The following DTWD2 variants were observed in gnomAD, a reference collection of about 807,000 sequenced individuals.
The protein encoded by DTWD2 is DTW motif tRNA-uridine aminocarboxypropyltransferase 2.
A neutral mutation model predicts 31.8 loss-of-function variants in DTWD2; 39 were observed. That is an observed-to-expected ratio of 1.22 (90% CI 0.95 to 1.60). The LOEUF (loss-of-function observed/expected upper bound fraction) is 1.60, where lower values mean the gene tolerates loss of function less well. Ranked by LOEUF, DTWD2 falls within the 40% of genes most tolerant of loss-of-function variation. The pLI, the probability that DTWD2 is intolerant of heterozygous loss-of-function variation, is 0.00. For missense variants in DTWD2, 515 were observed against 381.5 expected, an observed-to-expected ratio of 1.35 and a Z score of -2.92; for synonymous variants, 180 against 142.8, an observed-to-expected ratio of 1.26 and a Z score of -1.86.
chr5:118,910,690 C>T (rs1713631992), intron 4 of DTWD2, among the ~76,000 whole-genome samples: 1 of 152,332 alleles, frequency 6.6e-6, no homozygotes, highest in South Asian at 2.1e-4. Context: ...CACCCCACTT[C>T]TCAGCACCAA....
intron 3 of DTWD2, among the ~76,000 whole-genome samples, chr5:118,934,272 T>TAAAAAAAAAA (rs397999089): frequency 4.2e-5 from 1 of 23,562 alleles, no homozygotes; most frequent in African/African-American, 1.7e-4. Context: ...TTGTCTCCAT[T>TAAAAAAAAAA]AAAAAAAAAA....
At chr5:118,983,979 T>C (rs1755364471) in intron 1 of DTWD2, among the ~76,000 whole-genome samples, 1 of 151,792 alleles carries the variant, frequency 6.6e-6, no homozygotes, top group African/African-American at 2.4e-5. Flanking sequence ...GCAGAAAACC[T>C]GCTTCTACTA....
intron 4 of DTWD2, among the ~76,000 whole-genome samples, chr5:118,925,770 G>T (rs549302482): frequency 6.6e-6 from 1 of 151,778 alleles, no homozygotes; most frequent in South Asian, 2.1e-4. Flanking sequence ...GTGTGAACCC[G>T]GGAGGCGGAG....
chr5:118,953,575 A>G (rs1754514299), intron 1 of DTWD2, among the ~76,000 whole-genome samples: 1 of 152,202 alleles, frequency 6.6e-6, no homozygotes, highest in Non-Finnish European at 1.5e-5. Flanking sequence ...CTAGAGACCT[A>G]TAAAGACCCT....
At chr5:118,953,315 C>A (rs544114628) in intron 1 of DTWD2, among the ~76,000 whole-genome samples, 4 of 152,290 alleles carry the variant, frequency 2.6e-5, no homozygotes, top group Admixed American at 2.0e-4. Flanking sequence ...CTACATCCTG[C>A]CCACTTACCC....
chr5:118,862,504 T>TA (rs1387368648), intron 4 of DTWD2, among the ~76,000 whole-genome samples: 1 of 152,164 alleles, frequency 6.6e-6, no homozygotes, highest in Non-Finnish European at 1.5e-5. Flanking sequence ...TATACACAGG[T>TA]CTTTAGTGTG....
Position 118,913,387 on chromosome 5 carries a change from C to A in DTWD2, c.597+15150G>T, listed in dbSNP as rs1457036792. ...GATCAAGCTTCCATAATCACATGAACCATATATATATAGATATATATAGAT... is the reference window on the plus strand; with the variant it reads ...GATCAAGCTTCCATAATCACATGAAACATATATATATAGATATATATAGAT... On this transcript the variant is annotated intron_variant, in intron 4 of 5. Transcript: ENST00000510708. Among the ~76,000 whole-genome samples, 7 of 142,742 alleles carry A rather than the reference C, an allele frequency of 4.9e-5. No individual in the cohort carries two copies. In the East Asian group the frequency reaches 1.4e-3, roughly 29 times the overall value. 93.6% of individuals were successfully genotyped at this position (142,742 alleles called of 152,430 possible).
Position 118,988,417 on chromosome 5 carries a change from C to T in DTWD2, c.95G>A (p.Arg32Gln), listed in dbSNP as rs1180117563. Residue 32 changes from arginine to glutamine, a missense_variant, in exon 1 of 6, where the codon CGG (arginine) becomes CAG (glutamine). Transcript: ENST00000510708. ...SSQTPNDKER[R>Q]EGGAVPAAAA... is the part of the protein sequence containing the mutation. Reference sequence around the variant, plus strand: ...CGCCGCCGGCACTGCGCCGCCCTCCCGCCGCTCCTTGTCGTTCGGCGTCTG... The same window carrying T: ...CGCCGCCGGCACTGCGCCGCCCTCCTGCCGCTCCTTGTCGTTCGGCGTCTG... 6.9e-6 allele frequency: 11 copies of T among 1,604,994 alleles called. No homozygotes were observed. The highest frequency in any genetic ancestry group is 9.3e-6 in the Non-Finnish European group (11 of 1,177,484).
chr5:118,935,365 G>A (rs1400068509), intron 3 of DTWD2, among the ~76,000 whole-genome samples: 3 of 152,162 alleles, frequency 2.0e-5, no homozygotes, highest in African/African-American at 7.2e-5. Flanking sequence ...CCTGAGGCCC[G>A]GACTTGCCAA....
chr5:118,856,764 CTTTTTT>C (rs68175368), intron 4 of DTWD2, among the ~76,000 whole-genome samples: 7 of 44,342 alleles, frequency 1.6e-4, no homozygotes, highest in Admixed American at 3.7e-4. Flanking sequence ...TTGAGGCTTA[CTTTTTT>C]TTTTTTTTTT....
intron 4 of DTWD2, among the ~76,000 whole-genome samples, chr5:118,924,804 T>C (rs1005839884): frequency 1.3e-5 from 2 of 152,322 alleles, no homozygotes; most frequent in African/African-American, 4.8e-5. Context: ...TGGGTTCAAA[T>C]TGCGGCTATG....
At chr5:118,843,336 A>C (rs2112668240) in intron 5 of DTWD2, among the ~76,000 whole-genome samples, 1 of 145,690 alleles carries the variant, frequency 6.9e-6, no homozygotes, top group East Asian at 2.1e-4. Flanking sequence ...GAAGCGAGGG[A>C]GGGAGGGAGG....
At chr5:118,895,106 T>TA (rs1014795174) in intron 4 of DTWD2, among the ~76,000 whole-genome samples, 8 of 151,882 alleles carry the variant, frequency 5.3e-5, no homozygotes, top group South Asian at 2.1e-4. Flanking sequence ...TCCTTATATT[T>TA]AAAAAAAATC....
At chr5:118,841,125 A>T in intron 5 of DTWD2, 38 bp from the exon 6 acceptor site, 1 of 1,566,108 alleles carries the variant, frequency 6.4e-7, no homozygotes, top group South Asian at 1.2e-5. Flanking sequence ...AGTATCTGTG[A>T]CAAATCATGA....
intron 4 of DTWD2, among the ~76,000 whole-genome samples, chr5:118,864,281 C>CA (rs1305014415): frequency 6.8e-6 from 1 of 147,986 alleles, no homozygotes; most frequent in Non-Finnish European, 1.5e-5. Context: ...ATTGCAAGGA[C>CA]AAAAAACCAA....
chr5:118,860,954 T>G (rs1752247139), intron 4 of DTWD2, among the ~76,000 whole-genome samples: 1 of 152,198 alleles, frequency 6.6e-6, no homozygotes, highest in African/African-American at 2.4e-5. Context: ...ACATCCATTT[T>G]GGGGTAAGCT....
intron 4 of DTWD2, among the ~76,000 whole-genome samples, chr5:118,899,612 G>T (rs932206465): frequency 6.6e-6 from 1 of 152,036 alleles, no homozygotes; most frequent in African/African-American, 2.4e-5. Flanking sequence ...ACACACTTGT[G>T]TAACTAGTAC....
intron 1 of DTWD2, among the ~76,000 whole-genome samples, chr5:118,982,764 C>T (rs773995173): frequency 2.0e-5 from 3 of 148,556 alleles, no homozygotes; most frequent in Non-Finnish European, 4.4e-5. Flanking sequence ...TCTTGGCTCA[C>T]TGCAACCTCC....
intron 1 of DTWD2, among the ~76,000 whole-genome samples, chr5:118,983,210 C>CGACT (rs774743119): frequency 2.0e-5 from 3 of 152,088 alleles, no homozygotes; most frequent in Non-Finnish European, 4.4e-5. Flanking sequence ...TAAGCAGGAA[C>CGACT]GACTGGGAGC....
Sources: allele counts gnomAD v4.1 joint callset (sites outside exome capture counted in the v4.1 genomes callset), GRCh38; gene constraint gnomAD v4.1.1; transcripts MANE v1.5; gene names NCBI Gene and HGNC (gene_info 2026-07-23, HGNC 2026-07-21).